Variants in SLC4A9 observed in about 807,000 individuals in gnomAD.
The protein encoded by SLC4A9 is anion exchange protein 4.
In SLC4A9, 102 loss-of-function variants were observed where a neutral mutation model predicts 103.2. That is an observed-to-expected ratio of 0.99 (90% CI 0.84 to 1.17). The LOEUF (loss-of-function observed/expected upper bound fraction) is 1.17, where lower values mean the gene tolerates loss of function less well. SLC4A9 is among the 50% of genes most tolerant of loss of function. The probability of loss-of-function intolerance (pLI) is 0.00; values close to 1 mark genes in which losing one functional copy is unlikely to be tolerated. For synonymous variants in SLC4A9, 453 were observed against 483.6 expected (o/e 0.94, Z 0.83); for missense variants, 1,091 against 1,193.7 (o/e 0.91, Z 1.27).
chr5:140,371,623 T>C lies in SLC4A9; in HGVS notation c.2669T>C (p.Met890Thr), dbSNP rs776631834. 13 of 1,613,858 alleles carry C rather than the reference T, an allele frequency of 8.1e-6. No homozygotes were observed. Among genetic ancestry groups the C allele is most frequent in the Middle Eastern group, 1.6e-4 (1 of 6,082 alleles). The change falls in exon 19 of 22, where the codon ATG (methionine) becomes ACG (threonine). Residue 890 changes from methionine (M) to threonine (T), a missense_variant and splice_region_variant. Met to Thr is a moderately conservative substitution (Grantham distance 81). Coordinates refer to ENST00000506757, the MANE Select transcript of SLC4A9 (RefSeq NM_031467.3). ...STPAAIIFPL[M>T]LLGLVGVRKA... ...CCTGCAGCCATCATCTTCCCCCTCA[T>C]GGTAAGCTGAGGCAGGGTTGGGCTG...
intron 18 of SLC4A9, 55 bp from the exon 19 acceptor site, chr5:140,371,396 C>G: frequency 6.2e-7 from 1 of 1,600,616 alleles, no homozygotes. Flanking sequence ...ATCAGTGACA[C>G]CCTCCTATCA....
Position 140,366,224 on chromosome 5 carries a change from G to C in SLC4A9, c.1973G>C (p.Gly658Ala), listed in dbSNP as rs1767867972. ...LLGCGLDAFL[G>A]LATPKLMVPR... ...GGCTGTGGCCTTGATGCTTTCCTGG[G>C]CCTAGCCACACCAAAGCTCATGGTA... Residue 658 changes from glycine to alanine, a missense_variant, in exon 14 of 22, where the codon GGC (glycine) becomes GCC (alanine). Gly to Ala is a moderately conservative substitution (Grantham distance 60, BLOSUM62 0). Coordinates refer to ENST00000506757, the MANE Select transcript of SLC4A9 (RefSeq NM_031467.3). The C allele has an allele frequency of 1.2e-6, 2 of 1,605,280 alleles. No homozygotes were observed. The highest frequency in any genetic ancestry group is 3.4e-5 in the Admixed American group (2 of 58,076).
intron 14 of SLC4A9, among the ~76,000 whole-genome samples, chr5:140,366,741 T>A (rs186618823): frequency 2.0e-4 from 30 of 152,348 alleles, no homozygotes; most frequent in African/African-American, 7.2e-4. Context: ...CTATTATTGT[T>A]ACGGGATTGC....
rs762980916 is a variant in SLC4A9 at position 140,367,519 on chromosome 5, C to G, written c.2113C>G (p.Leu705Val). Residue 705 changes from leucine (L) to valine (V), a missense_variant, in exon 15 of 22, where the codon CTC (leucine) becomes GTC (valine). By Grantham distance (32) the Leu-to-Val change is conservative. Transcript: ENST00000506757. ...AALPALLLSILIFMDQQITAV... is the reference protein window; with the variant it reads ...AALPALLLSIVIFMDQQITAV... ...CCTGCCTGCCCTGCTGCTGTCTATC[C>G]TCATCTTCATGGACCAACAGATCAC... The G allele has an allele frequency of 1.7e-5, 28 of 1,604,552 alleles. No individual in the cohort carries two copies. The South Asian group carries it at 2.9e-4, about 17-fold the overall frequency.
At position 140,371,196 on chromosome 5, in the gene SLC4A9, A is replaced by G. The variant is rs1467251702; in HGVS notation, c.2496+33A>G. On this transcript the variant is annotated intron_variant, in intron 18 of 21. Transcript: ENST00000506757. The stretch of plus-strand genomic sequence containing the variant: ...CATTAAAATCACCTAACAAAAGAAA[A>G]AAGAAGAATAAAAAGACAAACAAAA... The G allele has an allele frequency of 1.2e-5, 19 of 1,582,676 alleles. No homozygotes were observed. The Admixed American group carries it at 3.5e-4, about 29-fold the overall frequency.
chr5:140,371,350 C>T, intron 18 of SLC4A9, 101 bp from the exon 19 acceptor site: 1 of 1,496,896 alleles, frequency 6.7e-7, no homozygotes, highest in Non-Finnish European at 9.2e-7. Flanking sequence ...GGCTGCCATG[C>T]TCTCTGCCTG....
chr5:140,367,353 T>G, intron 14 of SLC4A9, 67 bp from the exon 15 acceptor site: 354 of 1,529,910 alleles, frequency 2.3e-4, no homozygotes, highest in Middle Eastern at 4.5e-4. Context: ...ATGCCAAGGT[T>G]GAGATGTGCA....
intron 11 of SLC4A9, 60 bp downstream of exon 11, chr5:140,364,685 C>A: frequency 6.5e-7 from 1 of 1,549,784 alleles, no homozygotes; most frequent in Non-Finnish European, 8.7e-7. Context: ...AGGGGAGGGG[C>A]TGCACCCTTA....
chr5:140,370,574 C>T (rs955540766), intron 17 of SLC4A9, among the ~76,000 whole-genome samples: 1 of 151,996 alleles, frequency 6.6e-6, no homozygotes, highest in Non-Finnish European at 1.5e-5. Flanking sequence ...ATTAAGAGTG[C>T]CAGGGGCTAC....
In SLC4A9 at chr5:140,363,752, C is replaced by T. The variant is rs1445303432; in HGVS notation, c.1104C>T (p.Asp368=). 3 of 1,613,724 alleles carry T rather than the reference C, an allele frequency of 1.9e-6. No homozygotes were observed. The highest frequency in any genetic ancestry group is 8.5e-7 in the Non-Finnish European group (1 of 1,179,846). Residue 368 remains aspartate (D), a synonymous_variant, in exon 9 of 22, where the codon GAC becomes GAT. Transcript: ENST00000506757. The surrounding 1 kb of genome is among the most constrained non-coding windows in gnomAD (Gnocchi z 4.5). ...TGRLFGGLIQ[D]VRRKVPWYPS... ...GGCTGTTTGGGGGCCTTATCCAGGA[C>T]GTGCGCAGGAAGGTCCCGTGGTACC...
At position 140,368,641 on chromosome 5, in the gene SLC4A9, C is replaced by T. The variant is rs188671559; in HGVS notation, c.2409C>T (p.Phe803=). The change falls in exon 17 of 22, where the codon TTC becomes TTT. Residue 803 remains phenylalanine (F), a synonymous_variant. Transcript: ENST00000506757. ...TCATCCTTACAGGAGCCTCCATCTT[C>T]CTGGCACCTGTGCTCAAGGTACCTT... ...VVFILTGASI[F]LAPVLKFIPM... is the part of the protein sequence containing the mutation. 1.5e-5 allele frequency: 25 copies of T among 1,613,558 alleles called. No individual in the cohort carries two copies. In the East Asian group the frequency reaches 5.1e-4, roughly 33 times the overall value.
chr5:140,372,506 C>T, intron 20 of SLC4A9, 109 bp downstream of exon 20: 1 of 1,518,420 alleles, frequency 6.6e-7, no homozygotes. Flanking sequence ...CAGATCTGAT[C>T]AACAGTCACT....
intron 17 of SLC4A9, among the ~76,000 whole-genome samples, chr5:140,369,635 G>GA (rs567523295): frequency 8.3e-4 from 127 of 152,272 alleles, no homozygotes; most frequent in Non-Finnish European, 1.5e-3. Flanking sequence ...GTGGAGTAGG[G>GA]AAAGAGCCAG....
At chr5:140,360,757 T>C (rs1270770760) in intron 1 of SLC4A9, 55 bp from the exon 2 acceptor site, 1 of 1,610,494 alleles carries the variant, frequency 6.2e-7, no homozygotes, top group South Asian at 1.1e-5. Flanking sequence ...GCATCTCTGC[T>C]CCTGGACATG....
In SLC4A9 at chr5:140,371,134, A is replaced by C; in HGVS notation, c.2467A>C (p.Met823Leu). Residue 823 changes from methionine (M) to leucine (L), a missense_variant, in exon 18 of 22, where the codon ATG (methionine) becomes CTG (leucine). Met to Leu is a conservative substitution (Grantham distance 15, BLOSUM62 2). Transcript: ENST00000506757. Reference protein sequence around the residue: ...MPVLYGIFLYMGVAALSSIQF... With the variant: ...MPVLYGIFLYLGVAALSSIQF... ...TGTGCTCTATGGCATCTTCCTGTAT[A>C]TGGGGGTGGCAGCGCTCAGCAGCAT... 6.2e-7 allele frequency: 1 copy of C among 1,612,382 alleles called. No homozygotes were observed. Among genetic ancestry groups the C allele is most frequent in the Non-Finnish European group, 8.5e-7 (1 of 1,179,206 alleles).
In SLC4A9 at chr5:140,367,561, C is replaced by T. The variant is rs781373088; in HGVS notation, c.2155C>T (p.Arg719Cys). ...ACAGATCACAGCAGTCATCCTCAAC[C>T]GCATGGAATACAGACTGCAGGTAAG... ...DQQITAVILNRMEYRLQKGAG... is the reference protein window; with the variant it reads ...DQQITAVILNCMEYRLQKGAG... The change falls in exon 15 of 22, where the codon CGC (arginine) becomes TGC (cysteine). Residue 719 changes from arginine to cysteine, a missense_variant. Coordinates refer to ENST00000506757, the MANE Select transcript of SLC4A9 (RefSeq NM_031467.3). 2.7e-5 allele frequency: 44 copies of T among 1,603,398 alleles called. No homozygotes were observed. Among genetic ancestry groups the T allele is most frequent in the South Asian group, 7.8e-5 (7 of 89,314 alleles).
At position 140,372,268 on chromosome 5, in the gene SLC4A9, G is replaced by C; in HGVS notation, c.2697G>C (p.Lys899Asn). 1 of 1,573,394 alleles carries C rather than the reference G, an allele frequency of 6.4e-7. No individual in the cohort carries two copies. Among genetic ancestry groups the C allele is most frequent in the Non-Finnish European group, 8.6e-7 (1 of 1,165,994 alleles). Reference sequence around the variant, plus strand: ...TGCTGGGCCTTGTGGGGGTCCGAAAGGCCCTGGAGAGGGTCTTCTCACCAC... The same window carrying C: ...TGCTGGGCCTTGTGGGGGTCCGAAACGCCCTGGAGAGGGTCTTCTCACCAC... The part of the protein sequence containing the change: ...LMLLGLVGVR[K>N]ALERVFSPQE... Residue 899 changes from lysine (K) to asparagine (N), a missense_variant, in exon 20 of 22, where the codon AAG becomes AAC. Physicochemically the swap from Lys to Asn is moderately conservative, Grantham distance 94. Transcript: ENST00000506757.
At position 140,372,346 on chromosome 5, in the gene SLC4A9, T is replaced by C. The variant is rs774244904; in HGVS notation, c.2775T>C (p.Pro925=). The stretch of plus-strand genomic sequence containing the variant: ...TGCCAGAGGAGGAGAGAAGCATCCC[T>C]GAGAAGGGGCTGGAGCCAGAACACT... ...ELMPEEERSI[P]EKGLEPEHSF... is the part of the protein sequence containing the mutation. Residue 925 remains proline (P), a synonymous_variant, in exon 20 of 22, where the codon CCT becomes CCC. Coordinates refer to ENST00000506757, the MANE Select transcript of SLC4A9 (RefSeq NM_031467.3). The C allele has an allele frequency of 1.2e-6, 2 of 1,609,630 alleles. No individual in the cohort carries two copies. The highest frequency in any genetic ancestry group is 1.7e-6 in the Non-Finnish European group (2 of 1,178,782).
In SLC4A9 at chr5:140,360,801, C is replaced by T. The variant is rs755236298; in HGVS notation, c.231-11C>T. ...GCCCTCAATAACACTGTCTACCCAC[C>T]TTCATCACAGGTGGGTACTGTTTGA... On this transcript the variant is annotated splice_polypyrimidine_tract_variant and intron_variant, in intron 1 of 21. Transcript: ENST00000506757. The T allele has an allele frequency of 1.9e-6, 3 of 1,613,280 alleles. No individual in the cohort carries two copies. The highest frequency in any genetic ancestry group is 2.5e-6 in the Non-Finnish European group (3 of 1,179,838).
Sources: gnomAD v4.1 joint callset for allele counts (sites outside exome capture counted in the v4.1 genomes callset) on GRCh38, gnomAD v4.1.1 for gene constraint, Gnocchi (gnomAD v3.1) non-coding constraint, MANE v1.5 for transcripts, NCBI Gene and HGNC (gene_info 2026-07-23, HGNC 2026-07-21) for gene names.